The following ARHGAP20 variants were observed in gnomAD, a reference collection of about 807,000 sequenced individuals.
ARHGAP20 encodes the protein rho GTPase-activating protein 20.
In ARHGAP20, 34 loss-of-function variants were observed where a neutral mutation model predicts 73.7. The observed-to-expected ratio is 0.46, with a 90% confidence interval of 0.35 to 0.61. The LOEUF (loss-of-function observed/expected upper bound fraction) is 0.61, where lower values mean the gene tolerates loss of function less well. ARHGAP20 is among the 20% of genes least tolerant of loss of function. The probability of loss-of-function intolerance (pLI) is 0.00; values close to 1 mark genes in which losing one functional copy is unlikely to be tolerated. For missense variants in ARHGAP20, 1,314 were observed against 1,420.9 expected (o/e 0.92, Z 1.21); for synonymous variants, 523 against 518.2 (o/e 1.01, Z -0.13).
chr11:110,691,164 T>A, intron 1 of ARHGAP20: 1 of 490,142 alleles, frequency 2.0e-6, no homozygotes, highest in South Asian at 5.0e-5. Flanking sequence ...TTTAAAACTG[T>A]AACTTCAAAC....
At chr11:110,636,748 A>T (rs542207556) in intron 2 of ARHGAP20, among the ~76,000 whole-genome samples, 1 of 152,074 alleles carries the variant, frequency 6.6e-6, no homozygotes, top group East Asian at 1.9e-4. Context: ...ACAAAAACAC[A>T]ACTTTTGTGT....
chr11:110,657,981 G>A (rs1417167850), intron 2 of ARHGAP20, among the ~76,000 whole-genome samples: 1 of 149,390 alleles, frequency 6.7e-6, no homozygotes, highest in Admixed American at 6.7e-5. Flanking sequence ...AAAATGTCTA[G>A]GGCTGAAGTA....
rs1214362017 is a variant in ARHGAP20 at position 110,578,523 on chromosome 11, TGA to T, written c.*845_*846del. ...GTTGTTGTGGTCTTTTCCTCCATAT[TGA>T]GAGTGAACGCTGTCAGGAGGTCACC... On this transcript the variant is annotated 3_prime_UTR_variant, in exon 15 of 15. Transcript: ENST00000683387. The T allele has an allele frequency of 1.4e-5, 14 of 985,296 alleles. No individual in the cohort carries two copies. The highest frequency in any genetic ancestry group is 1.7e-5 in the Non-Finnish European group (14 of 829,936). The allele number at this position is 985,296 out of a possible 1,614,324, so 61.0% of individuals were successfully genotyped here.
At chr11:110,598,673 A>T (rs1948033452) in intron 9 of ARHGAP20, among the ~76,000 whole-genome samples, 1 of 152,212 alleles carries the variant, frequency 6.6e-6, no homozygotes, top group Non-Finnish European at 1.5e-5. Context: ...TGGCAGCAGC[A>T]GGCTGTCTGG....
chr11:110,707,863 G>GT (rs67937014), intron 1 of ARHGAP20, among the ~76,000 whole-genome samples: 130 of 142,626 alleles, frequency 9.1e-4, no homozygotes, highest in South Asian at 2.0e-3. Context: ...TCATTTTTTT[G>GT]TTTTTTTTTT....
In ARHGAP20 at chr11:110,577,092, T is replaced by C; in HGVS notation, c.*2278A>G. On this transcript the variant is annotated 3_prime_UTR_variant, in exon 15 of 15. Transcript: ENST00000683387. The stretch of plus-strand genomic sequence containing the variant: ...TTTTATTTAACAGACAGCATGGACT[T>C]CATACATATCCATTATCAGTGCCTT... 1.3e-6 allele frequency: 2 copies of C among 1,527,626 alleles called. No homozygotes were observed. Among genetic ancestry groups the C allele is most frequent in the Non-Finnish European group, 1.8e-6 (2 of 1,141,406 alleles). The allele number at this position is 1,527,626 out of a possible 1,614,324, so 94.6% of individuals were successfully genotyped here.
At chr11:110,627,582 G>A (rs1282874675) in intron 3 of ARHGAP20, among the ~76,000 whole-genome samples, 1 of 152,070 alleles carries the variant, frequency 6.6e-6, no homozygotes, top group African/African-American at 2.4e-5. Flanking sequence ...TTGGGGTAGA[G>A]TTCATTATAT....
At chr11:110,645,221 G>C (rs1193665001) in intron 2 of ARHGAP20, among the ~76,000 whole-genome samples, 1 of 152,046 alleles carries the variant, frequency 6.6e-6, no homozygotes, top group Non-Finnish European at 1.5e-5. Flanking sequence ...TGTTGGCCAG[G>C]CTGATCTTCA....
intron 1 of ARHGAP20, chr11:110,690,956 G>A (rs1288663336): frequency 3.4e-6 from 5 of 1,482,800 alleles, no homozygotes; most frequent in Non-Finnish European, 4.5e-6. Flanking sequence ...TATGCTAAAG[G>A]CTGGACATGG....
At chr11:110,602,084 C>G (rs1170251079) in intron 9 of ARHGAP20, among the ~76,000 whole-genome samples, 2 of 152,080 alleles carry the variant, frequency 1.3e-5, no homozygotes. Flanking sequence ...CACTCAATAG[C>G]AGAGTTAAGT....
At chr11:110,595,647 T>C (rs943269324) in intron 9 of ARHGAP20, among the ~76,000 whole-genome samples, 20 of 152,032 alleles carry the variant, frequency 1.3e-4, no homozygotes, top group African/African-American at 4.6e-4. Context: ...TAAAAGAGGA[T>C]ACAAACAAAT....
At chr11:110,617,665 G>A (rs1416638866) in intron 4 of ARHGAP20, among the ~76,000 whole-genome samples, 1 of 152,124 alleles carries the variant, frequency 6.6e-6, no homozygotes, top group Non-Finnish European at 1.5e-5. Flanking sequence ...AGATTGATTT[G>A]TGTAATCTTC....
chr11:110,588,451 G>A (rs1947730949), intron 11 of ARHGAP20, among the ~76,000 whole-genome samples: 1 of 152,152 alleles, frequency 6.6e-6, no homozygotes, highest in South Asian at 2.1e-4. Flanking sequence ...GTGAAAAAAA[G>A]TACCACTTCA....
chr11:110,640,107 G>A (rs1949049634), intron 2 of ARHGAP20, among the ~76,000 whole-genome samples: 1 of 151,896 alleles, frequency 6.6e-6, no homozygotes. Flanking sequence ...CCCACATAAA[G>A]TCATTTCTTA....
intron 2 of ARHGAP20, among the ~76,000 whole-genome samples, chr11:110,675,336 A>G (rs762875990): frequency 7.2e-5 from 11 of 152,124 alleles, no homozygotes; most frequent in Non-Finnish European, 1.2e-4. Context: ...CCTTTCTCAA[A>G]GTTTGCCATG....
intron 2 of ARHGAP20, among the ~76,000 whole-genome samples, chr11:110,680,874 A>T (rs1428036373): frequency 6.6e-6 from 1 of 152,214 alleles, no homozygotes; most frequent in African/African-American, 2.4e-5. Flanking sequence ...TTTGTCTAAC[A>T]AAGTAATGAG....
chr11:110,584,418 G>A (rs531255532), intron 12 of ARHGAP20, among the ~76,000 whole-genome samples: 2 of 141,178 alleles, frequency 1.4e-5, no homozygotes, highest in African/African-American at 5.1e-5. Flanking sequence ...ATTCATGACT[G>A]TTTTTTTTTT....
At position 110,654,874 on chromosome 11, in the gene ARHGAP20, G is replaced by A. The variant is rs888077628; in HGVS notation, c.189-24082C>T. ...CAATTATATTGTAAATAAATTCCAC[G>A]TGTTTCTTAATCTAGGGGTTGGGAG... On this transcript the variant is annotated intron_variant, in intron 2 of 14. Transcript: ENST00000683387. Among the ~76,000 whole-genome samples the A allele has an allele frequency of 2.6e-5, 4 of 152,124 alleles. No homozygotes were observed. The East Asian group carries it at 7.7e-4, about 29-fold the overall frequency.
At chr11:110,609,153 C>T in intron 7 of ARHGAP20, 103 bp from the exon 8 acceptor site, 1 of 931,136 alleles carries the variant, frequency 1.1e-6, no homozygotes, top group Non-Finnish European at 1.7e-6. Context: ...CTCCTGCCCC[C>T]TACCCAGTGA....
Sources: allele counts gnomAD v4.1 joint callset (sites outside exome capture counted in the v4.1 genomes callset), GRCh38; gene constraint gnomAD v4.1.1; transcripts MANE v1.5; gene names NCBI Gene and HGNC (gene_info 2026-07-23, HGNC 2026-07-21).